The following NTRK2 variants were observed in gnomAD, a reference collection of about 807,000 sequenced individuals.
NTRK2 encodes BDNF/NT-3 growth factors receptor.
NTRK2 carries 13 observed loss-of-function variants against 94.5 expected under a neutral mutation model. That is an observed-to-expected ratio of 0.14 (90% confidence interval 0.09 to 0.22). The LOEUF (loss-of-function observed/expected upper bound fraction) is 0.22, where lower values mean the gene tolerates loss of function less well. Ranked by LOEUF, NTRK2 falls within the 10% of genes least tolerant of loss-of-function variation. The pLI is 1.00. For missense variants in NTRK2, 639 were observed against 1,071.2 expected (o/e 0.60, Z 5.63); for synonymous variants, 372 against 407.4 (o/e 0.91, Z 1.05).
chr9:84,686,725 A>G (rs2059738463), intron 2 of NTRK2, among the ~76,000 whole-genome samples: 1 of 152,208 alleles, frequency 6.6e-6, no homozygotes, highest in African/African-American at 2.4e-5. Context: ...GGCTGATCCT[A>G]TGAATGTTTC....
intron 2 of NTRK2, among the ~76,000 whole-genome samples, chr9:84,683,361 G>T (rs1300047644): frequency 6.6e-6 from 1 of 152,084 alleles, no homozygotes; most frequent in South Asian, 2.1e-4. Context: ...CCCCTGACAG[G>T]CCCTGGTGTG....
At chr9:84,931,076 A>G (rs1199135413) in intron 14 of NTRK2, among the ~76,000 whole-genome samples, 2 of 152,226 alleles carry the variant, frequency 1.3e-5, no homozygotes, top group Non-Finnish European at 2.9e-5. Context: ...GAATACAAAT[A>G]CAAAATTCCT....
At chr9:85,013,963 C>G (rs546140345) in intron 17 of NTRK2, among the ~76,000 whole-genome samples, 8 of 152,304 alleles carry the variant, frequency 5.3e-5, no homozygotes, top group East Asian at 1.9e-4. Flanking sequence ...TTACTCACCT[C>G]TAAATCACTA....
intron 17 of NTRK2, among the ~76,000 whole-genome samples, chr9:84,997,755 T>C (rs1315513839): frequency 6.6e-6 from 1 of 152,130 alleles, no homozygotes; most frequent in Admixed American, 6.5e-5. Context: ...GCTTAAGTAA[T>C]GCTGGGTCTG....
chr9:84,970,044 G>T (rs370703893), intron 17 of NTRK2, among the ~76,000 whole-genome samples: 36 of 152,260 alleles, frequency 2.4e-4, no homozygotes, highest in African/African-American at 8.4e-4. Context: ...TACTATTTTT[G>T]TGATCTTGAA....
chr9:84,684,649 T>C (rs986408515), intron 2 of NTRK2, among the ~76,000 whole-genome samples: 3 of 152,226 alleles, frequency 2.0e-5, no homozygotes, highest in African/African-American at 7.2e-5. Context: ...GCAGTACTAT[T>C]TGTCGTTGAA....
At chr9:84,867,774 A>G (rs760039147) in intron 14 of NTRK2, among the ~76,000 whole-genome samples, 69 of 152,222 alleles carry the variant, frequency 4.5e-4, no homozygotes, top group Admixed American at 3.9e-4. Flanking sequence ...TATATCAGTT[A>G]TAGATGACAA....
chr9:84,813,705 T>A, intron 12 of NTRK2: 4 of 1,066,188 alleles, frequency 3.8e-6, no homozygotes, highest in Non-Finnish European at 4.5e-6. Flanking sequence ...CCTACTCCCG[T>A]GTGGCCAGAG....
chr9:84,913,896 T>G (rs2077317541), intron 14 of NTRK2, among the ~76,000 whole-genome samples: 1 of 151,840 alleles, frequency 6.6e-6, no homozygotes, highest in Non-Finnish European at 1.5e-5. Context: ...TGCCATATCT[T>G]CTTTTTTTCT....
intron 9 of NTRK2, among the ~76,000 whole-genome samples, chr9:84,736,889 C>A (rs1286603580): frequency 6.6e-6 from 1 of 152,206 alleles, no homozygotes; most frequent in African/African-American, 2.4e-5. Context: ...ATTTCAGGCG[C>A]TGAGTTCAGC....
intron 14 of NTRK2, chr9:84,876,021 T>C (rs201074596): frequency 8.8e-6 from 9 of 1,026,820 alleles, no homozygotes; most frequent in Non-Finnish European, 9.4e-6. Context: ...CTAGTTTCTA[T>C]ATATTATTTT....
intron 14 of NTRK2, among the ~76,000 whole-genome samples, chr9:84,904,431 GGATTTC>G (rs1165532030): frequency 6.6e-6 from 1 of 152,040 alleles, no homozygotes; most frequent in Admixed American, 6.5e-5. Context: ...CCCTTTGGAT[GGATTTC>G]TCTACCATCA....
intron 2 of NTRK2, among the ~76,000 whole-genome samples, chr9:84,692,370 A>T (rs1301791399): frequency 6.6e-6 from 1 of 152,124 alleles, no homozygotes; most frequent in Non-Finnish European, 1.5e-5. Context: ...AAGTTTCCAG[A>T]ACAGGTAAAA....
intron 12 of NTRK2, among the ~76,000 whole-genome samples, chr9:84,782,491 T>C (rs1300854927): frequency 1.3e-5 from 2 of 152,162 alleles, no homozygotes; most frequent in Admixed American, 1.3e-4. Context: ...AGAAAAGCTG[T>C]GGTATTTTTT....
In NTRK2 at chr9:85,025,826, T is replaced by C. The variant is rs1385393416; in HGVS notation, c.*4389T>C. The C allele has an allele frequency of 4.3e-6, 1 of 232,752 alleles. No homozygotes were observed. Among genetic ancestry groups the C allele is most frequent in the Non-Finnish European group, 8.5e-6 (1 of 117,854 alleles). The allele number at this position is 232,752 out of a possible 1,614,324, so 14.4% of individuals were successfully genotyped here. The stretch of plus-strand genomic sequence containing the variant: ...TGTCTAAGTTAGTAGTTACAGCTGA[T>C]TTTTTATGATGCATAATTGGAATGT... On this transcript the variant is annotated 3_prime_UTR_variant, in exon 19 of 19. Transcript: ENST00000277120.
intron 14 of NTRK2, among the ~76,000 whole-genome samples, chr9:84,901,584 G>C (rs1189042919): frequency 6.6e-6 from 1 of 152,140 alleles, no homozygotes; most frequent in Non-Finnish European, 1.5e-5. Flanking sequence ...AAGAGCAAAT[G>C]CATTATGTAT....
Position 84,948,671 on chromosome 9 carries a change from C to A in NTRK2, c.1937+37C>A, listed in dbSNP as rs371906307. 4 of 1,602,390 alleles carry A rather than the reference C, an allele frequency of 2.5e-6. No homozygotes were observed. In the African/African-American group the frequency reaches 4.0e-5, roughly 16 times the overall value. ...CGGGGAGGTGGGCTCCAGGAGGGAG[C>A]AGGCCTTCAGGGTTCAGGAGTGGAG... On this transcript the variant is annotated intron_variant, in intron 16 of 18. Transcript: ENST00000277120.
intron 17 of NTRK2, among the ~76,000 whole-genome samples, chr9:84,972,057 C>T (rs1465144402): frequency 6.6e-6 from 1 of 152,138 alleles, no homozygotes; most frequent in Non-Finnish European, 1.5e-5. Flanking sequence ...TCACCTCTAA[C>T]CGGCATGAAA....
At chr9:84,778,333 A>G (rs1399137669) in intron 12 of NTRK2, among the ~76,000 whole-genome samples, 1 of 152,152 alleles carries the variant, frequency 6.6e-6, no homozygotes, top group African/African-American at 2.4e-5. Flanking sequence ...TCCTTTAAAT[A>G]AATTGGCCAC....
Sources: allele counts gnomAD v4.1 joint callset (sites outside exome capture counted in the v4.1 genomes callset), GRCh38; gene constraint gnomAD v4.1.1; transcripts MANE v1.5; gene names NCBI Gene and HGNC (gene_info 2026-07-23, HGNC 2026-07-21).